Variants in CNTN1 observed in about 807,000 individuals in gnomAD.
CNTN1 encodes the protein contactin-1.
A neutral mutation model predicts 126.4 loss-of-function variants in CNTN1; 38 were observed. The ratio of observed to expected loss-of-function variants is 0.30; its 90% CI spans 0.23 to 0.39. CNTN1 has a LOEUF of 0.39. Ranked by LOEUF, CNTN1 falls within the 10% of genes least tolerant of loss-of-function variation. CNTN1 has a pLI of 1.00. For missense variants in CNTN1, 1,009 were observed against 1,248.4 expected (o/e 0.81, Z 2.89); for synonymous variants, 413 against 422.6 (o/e 0.98, Z 0.28).
At chr12:40,793,892 A>G (rs935319622) in intron 1 of CNTN1, among the ~76,000 whole-genome samples, 9 of 152,070 alleles carry the variant, frequency 5.9e-5, no homozygotes, top group Admixed American at 4.6e-4. Flanking sequence ...ATTATAATGT[A>G]GTACTATTAG....
intron 15 of CNTN1, among the ~76,000 whole-genome samples, chr12:40,967,308 C>T (rs1947343395): frequency 6.6e-6 from 1 of 151,906 alleles, no homozygotes; most frequent in Non-Finnish European, 1.5e-5. Context: ...TGGTGAAACC[C>T]CATCTCTACT....
intron 15 of CNTN1, among the ~76,000 whole-genome samples, chr12:40,975,145 C>T (rs1382607876): frequency 6.8e-6 from 1 of 146,110 alleles, no homozygotes; most frequent in Non-Finnish European, 1.5e-5. Flanking sequence ...GACAACAGCC[C>T]TTATAGACTT....
At chr12:40,710,641 T>A (rs1340703466) in intron 1 of CNTN1, among the ~76,000 whole-genome samples, 1 of 152,184 alleles carries the variant, frequency 6.6e-6, no homozygotes, top group Non-Finnish European at 1.5e-5. Context: ...TTCCACTGAA[T>A]ATGGAAATCT....
chr12:40,922,564 G>A lies in CNTN1; in HGVS notation c.400+136G>A, dbSNP rs560747804. ...TACAAGATGAGTGGACCCTAATTGT[G>A]TAATGGAGACAACAAAGCACCACAA... On this transcript the variant is annotated intron_variant, in intron 5 of 23. Coordinates refer to ENST00000551295, the MANE Select transcript of CNTN1 (RefSeq NM_001843.4). 1.2e-4 allele frequency: 90 copies of A among 774,532 alleles called. 1 individual carries two copies. The South Asian group carries it at 1.3e-3, about 11-fold the overall frequency. 48.0% of individuals were successfully genotyped at this position (774,532 alleles called of 1,614,324 possible).
At chr12:40,733,828 A>G (rs909047884) in intron 1 of CNTN1, among the ~76,000 whole-genome samples, 2 of 152,056 alleles carry the variant, frequency 1.3e-5, no homozygotes, top group African/African-American at 4.8e-5. Context: ...CACGTTTGTC[A>G]AGAACACTGA....
At chr12:40,826,678 G>A (rs1334054164) in intron 1 of CNTN1, among the ~76,000 whole-genome samples, 1 of 152,144 alleles carries the variant, frequency 6.6e-6, no homozygotes, top group Non-Finnish European at 1.5e-5. Context: ...AACTGCTATT[G>A]ATTTGTTGAT....
chr12:40,809,509 A>T (rs945705838), intron 1 of CNTN1, among the ~76,000 whole-genome samples: 2 of 151,916 alleles, frequency 1.3e-5, no homozygotes, highest in African/African-American at 4.9e-5. Flanking sequence ...GTCAAGTAAG[A>T]ATGGAAAGAA....
chr12:40,799,063 A>G (rs1055004156), intron 1 of CNTN1, among the ~76,000 whole-genome samples: 1 of 151,828 alleles, frequency 6.6e-6, no homozygotes, highest in African/African-American at 2.4e-5. Context: ...ATCATTACTG[A>G]AGGAAAACAA....
Position 40,866,636 on chromosome 12 carries a change from A to G in CNTN1, c.-76-41721A>G, listed in dbSNP as rs530662424. On this transcript the variant is annotated intron_variant, in intron 1 of 23. Transcript: ENST00000551295. ...CAATTGATTTTTGGATTTTAAACTA[A>G]CATTGTGTTATTGGGAAAAATCTCA... Among the ~76,000 whole-genome samples the G allele has an allele frequency of 2.6e-3, 396 of 152,282 alleles. 2 individuals are homozygous for G. Among genetic ancestry groups the G allele is most frequent in the Non-Finnish European group, 4.7e-3 (322 of 68,008 alleles).
intron 17 of CNTN1, among the ~76,000 whole-genome samples, chr12:41,008,513 A>G (rs528758216): frequency 6.6e-6 from 1 of 152,250 alleles, no homozygotes; most frequent in South Asian, 2.1e-4. Flanking sequence ...TGGGAGAAAT[A>G]TGTCATTGGG....
At chr12:40,975,587 CTCAG>C (rs1947651346) in intron 15 of CNTN1, among the ~76,000 whole-genome samples, 1 of 151,930 alleles carries the variant, frequency 6.6e-6, no homozygotes, top group Admixed American at 6.6e-5. Flanking sequence ...ATGGAACATT[CTCAG>C]TCAGCATTCT....
chr12:40,813,456 G>T (rs149748513), intron 1 of CNTN1, among the ~76,000 whole-genome samples: 26 of 151,936 alleles, frequency 1.7e-4, no homozygotes, highest in African/African-American at 6.0e-4. Flanking sequence ...TTAGTTTTCT[G>T]TTCCTGGGTT....
chr12:40,940,339 A>T (rs1479543296), intron 12 of CNTN1, among the ~76,000 whole-genome samples: 1 of 152,146 alleles, frequency 6.6e-6, no homozygotes, highest in African/African-American at 2.4e-5. Context: ...GAGATGAGAC[A>T]TAGTAAGCCA....
rs180881158 is a variant in CNTN1 at position 40,945,878 on chromosome 12, A to G, written c.1683+1708A>G. Among the ~76,000 whole-genome samples, 155 of 152,242 alleles carry G rather than the reference A, an allele frequency of 1.0e-3. 2 individuals are homozygous for G. Among genetic ancestry groups the G allele is most frequent in the African/African-American group, 3.1e-3 (129 of 41,570 alleles). The stretch of plus-strand genomic sequence containing the variant: ...CAGAGATTCACATAGTTACCCCTCC[A>G]GCTAATCCAGAGCAGAGTCCTGACC... On this transcript the variant is annotated intron_variant, in intron 14 of 23. Coordinates refer to ENST00000551295, the MANE Select transcript of CNTN1 (RefSeq NM_001843.4).
Position 40,779,943 on chromosome 12 carries a change from A to C in CNTN1, c.-77+87351A>C, listed in dbSNP as rs546454182. On this transcript the variant is annotated intron_variant, in intron 1 of 23. Transcript: ENST00000551295. ...AGGACTCTTTTACATTGGAAGACTA[A>C]ATCTCCCCAAACAGGTGTCATTCTG... Among the ~76,000 whole-genome samples the C allele has an allele frequency of 2.0e-5, 3 of 152,038 alleles. No homozygotes were observed. In the South Asian group the frequency reaches 6.2e-4, roughly 32 times the overall value.
intron 21 of CNTN1, among the ~76,000 whole-genome samples, chr12:41,026,109 T>C (rs1949032542): frequency 6.6e-6 from 1 of 152,204 alleles, no homozygotes; most frequent in Non-Finnish European, 1.5e-5. Flanking sequence ...GCTAGATGTA[T>C]GACAATAGAT....
intron 1 of CNTN1, among the ~76,000 whole-genome samples, chr12:40,813,062 CCTTCCT>C (rs1941138961): frequency 2.8e-5 from 2 of 71,218 alleles, no homozygotes; most frequent in African/African-American, 1.1e-4. Flanking sequence ...TTTCTTTCTT[CCTTCCT>C]TCCTTCCTTC....
At chr12:40,959,280 C>T (rs368365625) in intron 15 of CNTN1, 46 bp downstream of exon 15, 14 of 1,599,242 alleles carry the variant, frequency 8.8e-6, no homozygotes, top group South Asian at 6.6e-5. Context: ...AAGTATTTGA[C>T]TTGCATAAAC....
chr12:40,953,981 A>G (rs1566027780), intron 14 of CNTN1, among the ~76,000 whole-genome samples: 1 of 152,064 alleles, frequency 6.6e-6, no homozygotes, highest in Non-Finnish European at 1.5e-5. Context: ...TCTGCCCTCA[A>G]TTTTTTGTTG....
Sources: allele counts gnomAD v4.1 joint callset (sites outside exome capture counted in the v4.1 genomes callset), GRCh38; gene constraint gnomAD v4.1.1; transcripts MANE v1.5; gene names NCBI Gene and HGNC (gene_info 2026-07-23, HGNC 2026-07-21).